CSMD3: variants seen among roughly 807,000 people sequenced by gnomAD.
CSMD3 encodes CUB and sushi domain-containing protein 3.
CSMD3 carries 177 observed loss-of-function variants against 435.2 expected under a neutral mutation model. The observed-to-expected ratio is 0.41, with a 90% CI of 0.36 to 0.46. CSMD3 has a LOEUF of 0.46. Ranked by LOEUF, CSMD3 falls within the 20% of genes least tolerant of loss-of-function variation. CSMD3 has a pLI of 0.34. For missense variants in CSMD3, 4,265 were observed against 4,504.6 expected, an observed-to-expected ratio of 0.95 and a Z score of 1.52; for synonymous variants, 1,656 against 1,520.5, an observed-to-expected ratio of 1.09 and a Z score of -2.07.
At chr8:113,178,495 G>A (rs951370200) in intron 3 of CSMD3, among the ~76,000 whole-genome samples, 1 of 151,858 alleles carries the variant, frequency 6.6e-6, no homozygotes, top group African/African-American at 2.4e-5. Context: ...GCTACCAAAA[G>A]TAATAAATGA....
At chr8:112,712,595 ATGTAATTATTCTGGTTT>A (rs2076632411) in intron 13 of CSMD3, among the ~76,000 whole-genome samples, 1 of 152,118 alleles carries the variant, frequency 6.6e-6, no homozygotes, top group Non-Finnish European at 1.5e-5. Flanking sequence ...GAGTTGTCAA[ATGTAATTATTCTGGTTT>A]TGACTTTTGG....
intron 1 of CSMD3, among the ~76,000 whole-genome samples, chr8:113,383,229 A>G (rs10505204): frequency 0.052 from 7,982 of 152,204 alleles, 257 homozygotes; most frequent in African/African-American, 0.084. Context: ...TTGATGCATA[A>G]AAGTGGAGAG....
At chr8:112,398,602 G>A (rs1831052504) in intron 35 of CSMD3, among the ~76,000 whole-genome samples, 1 of 152,168 alleles carries the variant, frequency 6.6e-6, no homozygotes, top group Non-Finnish European at 1.5e-5. Context: ...CGAGCATGGT[G>A]AGCCAGACCC....
At chr8:113,246,100 AT>A (rs1255895855) in intron 3 of CSMD3, among the ~76,000 whole-genome samples, 1 of 151,858 alleles carries the variant, frequency 6.6e-6, no homozygotes, top group African/African-American at 2.4e-5. Flanking sequence ...TCTTACTTGA[AT>A]TTATAGATTA....
At chr8:113,384,759 C>T (rs774102454) in intron 1 of CSMD3, among the ~76,000 whole-genome samples, 24 of 152,132 alleles carry the variant, frequency 1.6e-4, no homozygotes, top group Non-Finnish European at 1.3e-4. Context: ...TACAGGAACA[C>T]AGGAAAATGC....
chr8:113,157,857 T>C (rs1329944666), intron 4 of CSMD3, among the ~76,000 whole-genome samples: 4 of 152,100 alleles, frequency 2.6e-5, no homozygotes, highest in Non-Finnish European at 5.9e-5. Flanking sequence ...ATCAAATTTA[T>C]GCTATTTTCT....
intron 13 of CSMD3, among the ~76,000 whole-genome samples, chr8:112,748,699 C>A (rs572815595): frequency 1.3e-5 from 2 of 152,156 alleles, no homozygotes; most frequent in East Asian, 3.9e-4. Context: ...TATAATATTG[C>A]AAGGTATATA....
chr8:112,346,930 A>G (rs1468121005), intron 40 of CSMD3, among the ~76,000 whole-genome samples: 1 of 151,854 alleles, frequency 6.6e-6, no homozygotes, highest in Non-Finnish European at 1.5e-5. Flanking sequence ...CCGCCCGCCC[A>G]GGCCTCCTAT....
Position 112,289,515 on chromosome 8 carries a change from C to T in CSMD3, c.8998G>A (p.Val3000Ile), listed in dbSNP as rs2193430. Residue 3000 changes from valine to isoleucine, a missense_variant, in exon 57 of 71, where the codon GTT becomes ATT. Transcript: ENST00000297405. ...CIMIDCGHPG[V>I]PPNAVLSGEK... is the part of the protein sequence containing the mutation. ...CCAGACAGGACTGCATTAGGAGGAA[C>T]GCCAGGGTGTCCACAGTCAATCACT... is the stretch of plus-strand genomic sequence containing the variant. 82 of 1,612,266 alleles carry T rather than the reference C, an allele frequency of 5.1e-5. No homozygotes were observed. Among genetic ancestry groups the T allele is most frequent in the South Asian group, 8.8e-5 (8 of 91,044 alleles).
At chr8:112,357,953 G>A (rs548320726) in intron 38 of CSMD3, among the ~76,000 whole-genome samples, 2 of 152,130 alleles carry the variant, frequency 1.3e-5, no homozygotes, top group African/African-American at 2.4e-5. Flanking sequence ...ACCCCAGAAT[G>A]GTTGATCCAC....
intron 4 of CSMD3, among the ~76,000 whole-genome samples, chr8:113,169,619 A>G (rs1368999721): frequency 6.6e-6 from 1 of 152,194 alleles, no homozygotes; most frequent in Non-Finnish European, 1.5e-5. Flanking sequence ...AAATCTTAAT[A>G]TGTTAACTCT....
chr8:113,207,342 G>C (rs2092782740), intron 3 of CSMD3, among the ~76,000 whole-genome samples: 1 of 149,014 alleles, frequency 6.7e-6, no homozygotes, highest in Non-Finnish European at 1.5e-5. Flanking sequence ...CCAAACTTCT[G>C]ATCTTTTTTT....
intron 36 of CSMD3, among the ~76,000 whole-genome samples, chr8:112,384,803 G>A (rs1268694023): frequency 5.3e-5 from 8 of 152,276 alleles, no homozygotes; most frequent in South Asian, 2.1e-4. Flanking sequence ...AAGTAAAGCC[G>A]TATGATTGTA....
intron 3 of CSMD3, among the ~76,000 whole-genome samples, chr8:113,192,209 T>C (rs1307117841): frequency 6.6e-6 from 1 of 151,758 alleles, no homozygotes; most frequent in Non-Finnish European, 1.5e-5. Context: ...TGTGCTAATG[T>C]TGATGTTTTG....
intron 31 of CSMD3, among the ~76,000 whole-genome samples, chr8:112,486,598 C>A (rs1820156990): frequency 6.6e-6 from 1 of 152,120 alleles, no homozygotes; most frequent in Non-Finnish European, 1.5e-5. Context: ...TTGCTCTTTA[C>A]TTCTACATGT....
chr8:113,209,675 T>C (rs2092809847), intron 3 of CSMD3, among the ~76,000 whole-genome samples: 1 of 152,148 alleles, frequency 6.6e-6, no homozygotes, highest in African/African-American at 2.4e-5. Context: ...ATGTCTTCCT[T>C]ATTGATGAAG....
At chr8:113,130,931 AT>A (rs1383652581) in intron 4 of CSMD3, among the ~76,000 whole-genome samples, 2 of 152,148 alleles carry the variant, frequency 1.3e-5, no homozygotes, top group East Asian at 1.9e-4. Flanking sequence ...CAGGCAGCAT[AT>A]TGCCTCTGCC....
At chr8:112,629,851 C>T (rs2074464743) in intron 22 of CSMD3, among the ~76,000 whole-genome samples, 2 of 152,246 alleles carry the variant, frequency 1.3e-5, no homozygotes, top group African/African-American at 4.8e-5. Context: ...GGATCTATGG[C>T]TTTCTCCTCA....
Position 112,830,847 on chromosome 8 carries a change from C to T in CSMD3, c.1756-1058G>A, listed in dbSNP as rs1276806148. The stretch of plus-strand genomic sequence containing the variant: ...TGTCACTCAGGCTAGAGTGCACTGG[C>T]GCGATCTTGGCTCACTGCCAGCTCC... On this transcript the variant is annotated intron_variant, in intron 11 of 70. Transcript: ENST00000297405. 4.1e-5 allele frequency among the ~76,000 whole-genome samples: 6 copies of T among 148,114 alleles called. No homozygotes were observed. The South Asian group carries it at 6.4e-4, about 16-fold the overall frequency.
Sources: gnomAD v4.1 joint callset for allele counts (sites outside exome capture counted in the v4.1 genomes callset) on GRCh38, gnomAD v4.1.1 for gene constraint, MANE v1.5 for transcripts, NCBI Gene and HGNC (gene_info 2026-07-23, HGNC 2026-07-21) for gene names.